The following SPHKAP variants were observed in gnomAD, a reference collection of about 807,000 sequenced individuals.
SPHKAP encodes A-kinase anchor protein SPHKAP.
A neutral mutation model predicts 137.5 loss-of-function variants in SPHKAP; 67 were observed. That is an observed-to-expected ratio of 0.49 (90% CI 0.40 to 0.60). The LOEUF (loss-of-function observed/expected upper bound fraction) is 0.60, where lower values mean the gene tolerates loss of function less well. Among genes scored for constraint, SPHKAP ranks in the 20% least tolerant of loss-of-function variants. The pLI, the probability that SPHKAP is intolerant of heterozygous loss-of-function variation, is 0.00. For missense variants in SPHKAP, 2,097 were observed against 2,069.3 expected, an observed-to-expected ratio of 1.01 and a Z score of -0.26; for synonymous variants, 813 against 785.3, an observed-to-expected ratio of 1.04 and a Z score of -0.59.
intron 7 of SPHKAP, among the ~76,000 whole-genome samples, chr2:228,003,306 G>C (rs1186997617): frequency 6.6e-6 from 1 of 152,088 alleles, no homozygotes; most frequent in Admixed American, 6.6e-5. Context: ...TGGATTCCTA[G>C]GTATTTTATT....
intron 3 of SPHKAP, among the ~76,000 whole-genome samples, chr2:228,092,109 A>G (rs527853307): frequency 7.1e-6 from 1 of 140,652 alleles, no homozygotes; most frequent in Non-Finnish European, 1.5e-5. Context: ...ATGTATATAT[A>G]CACATATATA....
At chr2:228,001,426 C>T (rs1016789156) in intron 7 of SPHKAP, among the ~76,000 whole-genome samples, 1 of 132,670 alleles carries the variant, frequency 7.5e-6, no homozygotes, top group Non-Finnish European at 1.6e-5. Context: ...TAAATATATA[C>T]ATATATAAAT....
At chr2:228,137,031 C>T (rs1042482434) in intron 1 of SPHKAP, among the ~76,000 whole-genome samples, 2 of 152,140 alleles carry the variant, frequency 1.3e-5, no homozygotes, top group Non-Finnish European at 2.9e-5. Context: ...ACCTCCAGTG[C>T]CCCATGCACA....
At chr2:228,131,383 A>G in intron 2 of SPHKAP, 2 of 816,958 alleles carry the variant, frequency 2.4e-6, no homozygotes, top group South Asian at 1.1e-4. Flanking sequence ...ATTCTACTTC[A>G]AGTTTTGGGG....
chr2:228,074,290 A>T (rs891664843), intron 3 of SPHKAP, among the ~76,000 whole-genome samples: 1 of 152,228 alleles, frequency 6.6e-6, no homozygotes, highest in African/African-American at 2.4e-5. Flanking sequence ...CTTTACATTA[A>T]TGCCCACGTA....
At chr2:228,148,101 G>C (rs1462249833) in intron 1 of SPHKAP, among the ~76,000 whole-genome samples, 2 of 152,060 alleles carry the variant, frequency 1.3e-5, no homozygotes, top group African/African-American at 4.8e-5. Flanking sequence ...GTTTTTCTTT[G>C]GGGTGCTCTC....
At chr2:228,166,870 C>T (rs1241245742) in intron 1 of SPHKAP, among the ~76,000 whole-genome samples, 1 of 152,122 alleles carries the variant, frequency 6.6e-6, no homozygotes, top group Non-Finnish European at 1.5e-5. Context: ...CTGGCATGTG[C>T]TTCCAGAAAG....
intron 3 of SPHKAP, among the ~76,000 whole-genome samples, chr2:228,092,950 G>T (rs1697854121): frequency 6.6e-6 from 1 of 151,976 alleles, no homozygotes; most frequent in Non-Finnish European, 1.5e-5. Flanking sequence ...TACAAACTGG[G>T]TTCAGTGTAT....
chr2:228,108,932 C>A lies in SPHKAP; in HGVS notation c.146G>T (p.Arg49Leu). ...TGTTGACTCCAGCAGGCTATTGCTG[C>A]GAAGAACCTGGAGGAACCCAGAAAA... ...NSITACKKVL[R>L]SNSLLESTDY... Residue 49 changes from arginine (R) to leucine (L), a missense_variant, in exon 3 of 12, where the codon CGC (arginine) becomes CTC (leucine). Transcript: ENST00000392056. 2 of 1,595,668 alleles carry A rather than the reference C, an allele frequency of 1.3e-6. No homozygotes were observed. Among genetic ancestry groups the A allele is most frequent in the East Asian group, 2.3e-5 (1 of 43,166 alleles).
chr2:228,041,991 CTT>C (rs1695870793), intron 3 of SPHKAP, among the ~76,000 whole-genome samples: 1 of 152,080 alleles, frequency 6.6e-6, no homozygotes. Flanking sequence ...GAGGACTACT[CTT>C]GTTTCCTGGA....
At chr2:228,150,665 CT>C (rs1427406382) in intron 1 of SPHKAP, among the ~76,000 whole-genome samples, 5 of 151,606 alleles carry the variant, frequency 3.3e-5, no homozygotes, top group Middle Eastern at 6.8e-3. Flanking sequence ...GCTTCTACCC[CT>C]CTTTTAAAAT....
chr2:228,129,520 G>T (rs1448143078), intron 2 of SPHKAP, among the ~76,000 whole-genome samples: 2 of 152,024 alleles, frequency 1.3e-5, no homozygotes, highest in East Asian at 3.9e-4. Context: ...ATCTAACAGA[G>T]TTTTGAATGT....
chr2:228,080,589 C>A (rs80339046), intron 3 of SPHKAP, among the ~76,000 whole-genome samples: 11,425 of 152,096 alleles, frequency 0.075, 784 homozygotes, highest in East Asian at 0.31. Flanking sequence ...CACTTGTAAT[C>A]CCAGCTACTC....
intron 2 of SPHKAP, among the ~76,000 whole-genome samples, chr2:228,125,184 CAG>C (rs930940503): frequency 1.3e-5 from 2 of 152,124 alleles, no homozygotes; most frequent in African/African-American, 4.8e-5. Flanking sequence ...GAATCCTATG[CAG>C]AGACTCGGTT....
intron 1 of SPHKAP, among the ~76,000 whole-genome samples, chr2:228,179,464 G>T (rs1051097403): frequency 3.9e-5 from 6 of 152,156 alleles, no homozygotes; most frequent in African/African-American, 1.4e-4. Context: ...AAAAGGAATG[G>T]TGTTTCTTGT....
chr2:228,075,372 G>A (rs1001720509), intron 3 of SPHKAP, among the ~76,000 whole-genome samples: 1 of 152,050 alleles, frequency 6.6e-6, no homozygotes, highest in African/African-American at 2.4e-5. Context: ...CAGCAATAGG[G>A]AAATGTATAC....
At chr2:227,982,260 T>C in intron 11 of SPHKAP, 1 of 985,328 alleles carries the variant, frequency 1.0e-6, no homozygotes, top group Non-Finnish European at 1.2e-6. Context: ...TAAGATCTCA[T>C]TGGGTGTGTA....
At chr2:228,096,087 C>T (rs1697972992) in intron 3 of SPHKAP, among the ~76,000 whole-genome samples, 2 of 152,076 alleles carry the variant, frequency 1.3e-5, no homozygotes, top group African/African-American at 4.8e-5. Context: ...TCAGCAAGAA[C>T]TTATGGGGCA....
Position 227,981,865 on chromosome 2 carries a change from A to T in SPHKAP, c.4960-5T>A. The T allele has an allele frequency of 6.2e-7, 1 of 1,611,902 alleles. No individual in the cohort carries two copies. The highest frequency in any genetic ancestry group is 1.1e-5 in the South Asian group (1 of 90,738). On this transcript the variant is annotated splice_region_variant and splice_polypyrimidine_tract_variant and intron_variant, in intron 11 of 11. Coordinates refer to ENST00000392056, the MANE Select transcript of SPHKAP (RefSeq NM_001142644.2). ...CAGCTGCACGACATCTAGAAACTAA[A>T]ATAAAACGGAGAGTTAGGGCTCACA... is the stretch of plus-strand genomic sequence containing the variant.
Sources: gnomAD v4.1 joint callset for allele counts (sites outside exome capture counted in the v4.1 genomes callset) on GRCh38, gnomAD v4.1.1 for gene constraint, MANE v1.5 for transcripts, NCBI Gene and HGNC (gene_info 2026-07-23, HGNC 2026-07-21) for gene names.